The following FNIP1 variants were observed in gnomAD, a reference collection of about 807,000 sequenced individuals.
FNIP1 encodes folliculin interacting protein 1, also known as folliculin-interacting protein 1.
In FNIP1, 40 loss-of-function variants were observed where a neutral mutation model predicts 124.5. The observed-to-expected ratio is 0.32, with a 90% CI of 0.25 to 0.42. The LOEUF is 0.42. Ranked by LOEUF, FNIP1 falls within the 10% of genes least tolerant of loss-of-function variation. FNIP1 has a pLI of 1.00. For synonymous variants in FNIP1, 472 were observed against 470.6 expected, an observed-to-expected ratio of 1.00 and a Z score of -0.04; for missense variants, 1,176 against 1,403.7, an observed-to-expected ratio of 0.84 and a Z score of 2.59.
chr5:131,775,529 T>C (rs1242074318), intron 1 of FNIP1, among the ~76,000 whole-genome samples: 2 of 132,456 alleles, frequency 1.5e-5, no homozygotes, highest in East Asian at 2.2e-4. Context: ...TTATATATAC[T>C]TTTTTTTTTT....
chr5:131,675,108 G>A (rs1046658287), intron 13 of FNIP1, among the ~76,000 whole-genome samples: 2 of 151,962 alleles, frequency 1.3e-5, no homozygotes, highest in Non-Finnish European at 2.9e-5. Context: ...ATCCTTATTC[G>A]CACAAAGCCC....
At chr5:131,766,144 G>A in intron 1 of FNIP1, among the ~76,000 whole-genome samples, 1 of 147,414 alleles carries the variant, frequency 6.8e-6, no homozygotes, top group Non-Finnish European at 1.5e-5. Context: ...GTCTCACTCT[G>A]TCACTCAGGC....
chr5:131,664,822 A>T (rs1228676417), intron 15 of FNIP1, among the ~76,000 whole-genome samples: 2 of 151,076 alleles, frequency 1.3e-5, no homozygotes, highest in Non-Finnish European at 2.9e-5. Context: ...AATCATAAAG[A>T]GTATAAAAAT....
At chr5:131,670,331 A>G (rs1052272318) in intron 15 of FNIP1, 132 bp downstream of exon 15, 9 of 699,508 alleles carry the variant, frequency 1.3e-5, no homozygotes, top group Non-Finnish European at 1.8e-5. Context: ...CGGGCACTGA[A>G]TATAAAATGA....
intron 2 of FNIP1, among the ~76,000 whole-genome samples, chr5:131,741,340 A>G (rs1176976403): frequency 1.3e-5 from 2 of 152,222 alleles, no homozygotes; most frequent in Admixed American, 1.3e-4. Flanking sequence ...ACTGATTAAC[A>G]ATTTTATTTC....
chr5:131,664,196 A>G (rs1767525701), intron 15 of FNIP1, among the ~76,000 whole-genome samples: 1 of 152,226 alleles, frequency 6.6e-6, no homozygotes, highest in South Asian at 2.1e-4. Context: ...TCTGAATAAC[A>G]TGGTTTTCTT....
At chr5:131,725,588 G>A (rs775858504) in intron 3 of FNIP1, among the ~76,000 whole-genome samples, 36 of 152,210 alleles carry the variant, frequency 2.4e-4, no homozygotes, top group Non-Finnish European at 4.3e-4. Context: ...AGCTTTAGGA[G>A]ATTTTGGCCT....
intron 1 of FNIP1, among the ~76,000 whole-genome samples, chr5:131,757,328 T>C (rs1406133977): frequency 6.6e-6 from 1 of 152,164 alleles, no homozygotes; most frequent in African/African-American, 2.4e-5. Context: ...ATGTTAGATG[T>C]ATGGGCTGCT....
intron 1 of FNIP1, among the ~76,000 whole-genome samples, chr5:131,771,516 G>A (rs1771633428): frequency 6.6e-6 from 1 of 152,082 alleles, no homozygotes; most frequent in South Asian, 2.1e-4. Flanking sequence ...TCCAAAACAG[G>A]AAAACCAGTA....
rs760548724 is a variant in FNIP1 at position 131,652,027 on chromosome 5, T to C, written c.3109-28A>G. ...GGAAATAAAAGAATAATTCATCTTA[T>C]GTTTAGCAAATGAAGTTTCCAAAGA... On this transcript the variant is annotated intron_variant, in intron 15 of 17. Transcript: ENST00000510461. 13 of 1,587,328 alleles carry C rather than the reference T, an allele frequency of 8.2e-6. No homozygotes were observed. In the Admixed American group the frequency reaches 1.1e-4, roughly 13 times the overall value.
intron 8 of FNIP1, among the ~76,000 whole-genome samples, chr5:131,708,535 G>C (rs1381434570): frequency 6.6e-6 from 1 of 152,164 alleles, no homozygotes; most frequent in African/African-American, 2.4e-5. Context: ...TCATCCTTCT[G>C]TAAAGCATTG....
intron 2 of FNIP1, among the ~76,000 whole-genome samples, chr5:131,742,995 C>T (rs1770560473): frequency 6.6e-6 from 1 of 152,068 alleles, no homozygotes; most frequent in Non-Finnish European, 1.5e-5. Flanking sequence ...AGTAACAGGA[C>T]AATTTTTTAC....
chr5:131,761,361 C>G (rs557922597), intron 1 of FNIP1, among the ~76,000 whole-genome samples: 4 of 152,078 alleles, frequency 2.6e-5, no homozygotes, highest in Admixed American at 2.6e-4. Flanking sequence ...CATCATCTTA[C>G]GTTTGGAAAA....
At chr5:131,667,799 G>A (rs1163658463) in intron 15 of FNIP1, among the ~76,000 whole-genome samples, 1 of 152,150 alleles carries the variant, frequency 6.6e-6, no homozygotes, top group Non-Finnish European at 1.5e-5. Context: ...TGTTGGCCAG[G>A]GTGGTCACAA....
intron 11 of FNIP1, among the ~76,000 whole-genome samples, chr5:131,681,233 G>T (rs1167548056): frequency 6.6e-6 from 1 of 152,106 alleles, no homozygotes; most frequent in Non-Finnish European, 1.5e-5. Flanking sequence ...ATCTTCATGG[G>T]ATTGTGGGGG....
At chr5:131,657,436 A>G (rs1380694387) in intron 15 of FNIP1, among the ~76,000 whole-genome samples, 1 of 152,082 alleles carries the variant, frequency 6.6e-6, no homozygotes, top group Non-Finnish European at 1.5e-5. Flanking sequence ...GAAGTAGTCT[A>G]ATTGCCCCTA....
At chr5:131,791,489 G>A (rs1314308021) in intron 1 of FNIP1, among the ~76,000 whole-genome samples, 1 of 152,046 alleles carries the variant, frequency 6.6e-6, no homozygotes, top group Non-Finnish European at 1.5e-5. Flanking sequence ...TATCTAAATC[G>A]AACTTCAAGT....
At chr5:131,726,003 T>C (rs564300128) in intron 3 of FNIP1, among the ~76,000 whole-genome samples, 1 of 152,296 alleles carries the variant, frequency 6.6e-6, no homozygotes, top group East Asian at 1.9e-4. Flanking sequence ...CATTTATTGA[T>C]TTGCATATGT....
chr5:131,760,917 G>A (rs540978645), intron 1 of FNIP1, among the ~76,000 whole-genome samples: 14 of 150,342 alleles, frequency 9.3e-5, no homozygotes, highest in South Asian at 2.1e-4. Context: ...AGGGAGGGAG[G>A]GAAGGAGGGA....
Sources: gnomAD v4.1 joint callset for allele counts (sites outside exome capture counted in the v4.1 genomes callset) on GRCh38, gnomAD v4.1.1 for gene constraint, MANE v1.5 for transcripts, NCBI Gene and HGNC (gene_info 2026-07-23, HGNC 2026-07-21) for gene names.